The following NAV2 variants were observed in gnomAD, a reference collection of about 807,000 sequenced individuals.
The protein encoded by NAV2 is helicase, APC down-regulated 1.
NAV2 carries 54 observed loss-of-function variants against 223.2 expected under a neutral mutation model. The observed-to-expected ratio is 0.24, with a 90% CI of 0.19 to 0.30. The LOEUF (loss-of-function observed/expected upper bound fraction) is 0.30. Ranked by LOEUF, NAV2 falls within the 10% of genes least tolerant of loss-of-function variation. The pLI is 1.00. For missense variants in NAV2, 2,806 were observed against 3,147.5 expected (o/e 0.89, Z 2.60); for synonymous variants, 1,279 against 1,239.3 (o/e 1.03, Z -0.67).
intron 4 of NAV2, among the ~76,000 whole-genome samples, chr11:19,874,545 T>G (rs1024604288): frequency 2.6e-5 from 4 of 151,924 alleles, no homozygotes; most frequent in South Asian, 2.1e-4. Context: ...GGCTTTGGGG[T>G]TTTTTTTAGG....
chr11:19,992,654 C>T (rs1408390991), intron 11 of NAV2, among the ~76,000 whole-genome samples: 6 of 133,124 alleles, frequency 4.5e-5, no homozygotes, highest in African/African-American at 1.7e-4. Flanking sequence ...GTGACACGAT[C>T]TCAGCTCAAT....
chr11:19,882,452 C>G (rs2063272729), intron 5 of NAV2, among the ~76,000 whole-genome samples: 1 of 152,270 alleles, frequency 6.6e-6, no homozygotes, highest in South Asian at 2.1e-4. Context: ...TATGAATGTT[C>G]AGACAGGTGG....
chr11:19,395,249 T>C (rs1396632491), intron 1 of NAV2, among the ~76,000 whole-genome samples: 2 of 152,278 alleles, frequency 1.3e-5, no homozygotes, highest in African/African-American at 2.4e-5. Context: ...TTCATTGTCA[T>C]GCAGATATTT....
chr11:20,092,314 C>G lies in NAV2; in HGVS notation c.5761C>G (p.Gln1921Glu). 1 of 1,614,178 alleles carries G rather than the reference C, an allele frequency of 6.2e-7. No individual in the cohort carries two copies. Among genetic ancestry groups the G allele is most frequent in the South Asian group, 1.1e-5 (1 of 91,080 alleles). Residue 1921 changes from glutamine to glutamate, a missense_variant, in exon 28 of 38, where the codon CAG becomes GAG. By Grantham distance (29) the Gln-to-Glu change is conservative. Transcript: ENST00000349880. ...SQVSISASPR[Q>E]SMGLSQHSLN... Reference sequence around the variant, plus strand: ...AGTGTCCATCTCTGCCTCCCCGAGGCAGTCCATGGGCCTCTCCCAGCACAG... The same window carrying G: ...AGTGTCCATCTCTGCCTCCCCGAGGGAGTCCATGGGCCTCTCCCAGCACAG...
chr11:19,573,143 C>G (rs1348955166), intron 1 of NAV2, among the ~76,000 whole-genome samples: 2 of 152,142 alleles, frequency 1.3e-5, no homozygotes, highest in Admixed American at 1.3e-4. Flanking sequence ...ACATTCTTAC[C>G]TCCCACCTCC....
At chr11:19,478,438 G>A (rs1158700107) in intron 1 of NAV2, among the ~76,000 whole-genome samples, 2 of 152,192 alleles carry the variant, frequency 1.3e-5, no homozygotes, top group African/African-American at 4.8e-5. Context: ...GACAGAGCAG[G>A]CCAGTTTGGA....
chr11:19,895,110 T>C (rs866414671), intron 6 of NAV2, among the ~76,000 whole-genome samples: 49 of 112,312 alleles, frequency 4.4e-4, no homozygotes, highest in African/African-American at 1.2e-3. Flanking sequence ...CTTTCTTTTT[T>C]TTTTTTTTTT....
intron 1 of NAV2, among the ~76,000 whole-genome samples, chr11:19,593,525 A>C (rs148942678): frequency 1.3e-5 from 2 of 152,346 alleles, no homozygotes; most frequent in East Asian, 3.9e-4. Flanking sequence ...TTTTATTTCA[A>C]ATATAAGTCT....
chr11:19,861,123 GAGGGCC>G (rs1005092079), intron 3 of NAV2, among the ~76,000 whole-genome samples: 1 of 151,172 alleles, frequency 6.6e-6, no homozygotes, highest in African/African-American at 2.4e-5. Flanking sequence ...GGGAGAGGGA[GAGGGCC>G]AGAGTCATAT....
At chr11:19,465,047 C>T (rs979426116) in intron 1 of NAV2, among the ~76,000 whole-genome samples, 3 of 152,124 alleles carry the variant, frequency 2.0e-5, no homozygotes, top group Non-Finnish European at 4.4e-5. Flanking sequence ...TGAAGGGGCT[C>T]CTATGCAGTA....
At chr11:19,710,067 A>G (rs1423070634), upstream of NAV2, among the ~76,000 whole-genome samples, 1 of 152,254 alleles carries the variant, frequency 6.6e-6, no homozygotes, top group East Asian at 1.9e-4. Context: ...TGAGGGTCTC[A>G]GAACCCCGAA....
At chr11:20,017,374 C>T (rs2054104646) in intron 11 of NAV2, among the ~76,000 whole-genome samples, 1 of 152,200 alleles carries the variant, frequency 6.6e-6, no homozygotes, top group South Asian at 2.1e-4. Flanking sequence ...TCGTCTGGAA[C>T]ACCTGGCTTT....
In NAV2 at chr11:19,917,099, G is replaced by T. The variant is rs796329954; in HGVS notation, c.932-16077G>T. ...CTAAGAGATCAGGTGTCCTGGATCA[G>T]CCCTGCCCAGCCTAGATGCTTCAAG... On this transcript the variant is annotated intron_variant, in intron 6 of 37. Transcript: ENST00000349880. Among the ~76,000 whole-genome samples the T allele has an allele frequency of 5.3e-5, 8 of 152,194 alleles. No individual in the cohort carries two copies. The South Asian group carries it at 1.7e-3, about 32-fold the overall frequency.
intron 1 of NAV2, among the ~76,000 whole-genome samples, chr11:19,405,822 C>G (rs1465402839): frequency 6.6e-6 from 1 of 152,180 alleles, no homozygotes; most frequent in African/African-American, 2.4e-5. Context: ...CATTTTCTCT[C>G]TTCTTATTAG....
chr11:19,716,762 G>A lies in NAV2; in HGVS notation c.267+2800G>A, dbSNP rs185262923. ...TCTGATACATCCATTTTCTATGACA[G>A]TAACAACATGGTAACAATAATAACA... On this transcript the variant is annotated intron_variant, in intron 1 of 37. Coordinates refer to ENST00000349880, the MANE Select transcript of NAV2 (RefSeq NM_145117.5). Among the ~76,000 whole-genome samples the A allele has an allele frequency of 3.8e-3, 580 of 152,254 alleles. 3 individuals carry two copies. The highest frequency in any genetic ancestry group is 0.013 in the African/African-American group (548 of 41,538).
chr11:19,818,860 G>A (rs1468521239), intron 1 of NAV2, among the ~76,000 whole-genome samples: 2 of 152,178 alleles, frequency 1.3e-5, no homozygotes, highest in Non-Finnish European at 2.9e-5. Flanking sequence ...TTATAATCTA[G>A]GCAGTGAAGG....
chr11:19,861,678 C>G (rs2061800986), intron 3 of NAV2, among the ~76,000 whole-genome samples: 2 of 152,210 alleles, frequency 1.3e-5, no homozygotes, highest in African/African-American at 4.8e-5. Context: ...GTTACATCCT[C>G]TAAATATCAC....
At chr11:19,394,309 A>G (rs1323737487) in intron 1 of NAV2, among the ~76,000 whole-genome samples, 1 of 152,172 alleles carries the variant, frequency 6.6e-6, no homozygotes, top group African/African-American at 2.4e-5. Flanking sequence ...TACTTTTATA[A>G]TGGGGAAAAA....
chr11:19,618,393 GATGA>G (rs1554975536), intron 1 of NAV2, among the ~76,000 whole-genome samples: 1 of 19,714 alleles, frequency 5.1e-5, no homozygotes, highest in African/African-American at 7.5e-5. Flanking sequence ...TGGATGGATG[GATGA>G]ATAGATGGAT....
Sources: allele counts gnomAD v4.1 joint callset (sites outside exome capture counted in the v4.1 genomes callset), GRCh38; gene constraint gnomAD v4.1.1; transcripts MANE v1.5; gene names NCBI Gene and HGNC (gene_info 2026-07-23, HGNC 2026-07-21).